The following KLHL32 variants were observed in gnomAD, a reference collection of about 807,000 sequenced individuals.
KLHL32 encodes the protein kelch like family member 32.
Under a neutral mutation model 64.8 loss-of-function variants are expected in KLHL32, and 35 were observed. That is an observed-to-expected ratio of 0.54 (90% confidence interval 0.41 to 0.72). The LOEUF (loss-of-function observed/expected upper bound fraction) is 0.72. Among genes scored for constraint, KLHL32 ranks in the 30% least tolerant of loss-of-function variants. KLHL32 has a pLI of 0.00. For missense variants in KLHL32, 589 were observed against 768.5 expected (o/e 0.77, Z 2.76); for synonymous variants, 259 against 281.0 (o/e 0.92, Z 0.78).
chr6:97,074,162 C>G (rs1164660526), intron 5 of KLHL32, among the ~76,000 whole-genome samples: 1 of 152,162 alleles, frequency 6.6e-6, no homozygotes, highest in Non-Finnish European at 1.5e-5. Context: ...AGTAATGATT[C>G]CTAAACTTGA....
rs375586519 is a variant in KLHL32, at chr6:97,011,654, A to T, written c.205-29838A>T. ...AGATACATATTCAGAGTGATCATTT[A>T]TCTTGAATTAAAATTAAGCATCCGA... On this transcript the variant is annotated intron_variant, in intron 3 of 10. Coordinates refer to ENST00000369261, the MANE Select transcript of KLHL32 (RefSeq NM_052904.4). Among the ~76,000 whole-genome samples, 9 of 152,348 alleles carry T rather than the reference A, an allele frequency of 5.9e-5. 1 individual carries two copies. The highest frequency in any genetic ancestry group is 2.2e-4 in the African/African-American group (9 of 41,592).
chr6:96,911,393 T>C, the KLHL32 span, among the ~76,000 whole-genome samples: 2 of 150,308 alleles, frequency 1.3e-5, no homozygotes, highest in African/African-American at 2.5e-5. Flanking sequence ...CATTTTCAAC[T>C]TCCCCCCATG....
intron 7 of KLHL32, among the ~76,000 whole-genome samples, chr6:97,115,659 T>C (rs576469098): frequency 2.0e-4 from 30 of 152,346 alleles, no homozygotes; most frequent in Admixed American, 1.8e-3. Flanking sequence ...ACATGTGTTT[T>C]CAATCTTAGT....
At position 97,085,225 on chromosome 6, in the gene KLHL32, C is replaced by T; in HGVS notation, c.511C>T (p.Leu171Phe). Residue 171 changes from leucine (L) to phenylalanine (F), a missense_variant, in exon 6 of 11, where the codon CTC (leucine) becomes TTC (phenylalanine). Physicochemically the swap from Leu to Phe is conservative, Grantham distance 22 (BLOSUM62 0). Coordinates refer to ENST00000369261, the MANE Select transcript of KLHL32 (RefSeq NM_052904.4). ...AGTGATCGATTTCTTAGTGAAACAT[C>T]TCTCTGAACTCCTGAAGAGCCGCCC... ...KAVIDFLVKHLSELLKSRPEE... is the reference protein window; with the variant it reads ...KAVIDFLVKHFSELLKSRPEE... The T allele has an allele frequency of 6.2e-7, 1 of 1,614,060 alleles. No homozygotes were observed. The highest frequency in any genetic ancestry group is 8.5e-7 in the Non-Finnish European group (1 of 1,180,020).
chr6:96,898,115 G>A, the KLHL32 span, among the ~76,000 whole-genome samples: 1 of 152,250 alleles, frequency 6.6e-6, no homozygotes, highest in South Asian at 2.1e-4. Flanking sequence ...CACCCGGGAA[G>A]CTCTGTAAAG....
chr6:96,951,905 C>G (rs111625754), intron 1 of KLHL32, among the ~76,000 whole-genome samples: 2 of 152,116 alleles, frequency 1.3e-5, no homozygotes, highest in African/African-American at 4.8e-5. Flanking sequence ...TGTTCAATGC[C>G]ATTTCATTAC....
At chr6:97,010,432 A>G (rs1780255078) in intron 3 of KLHL32, among the ~76,000 whole-genome samples, 1 of 152,190 alleles carries the variant, frequency 6.6e-6, no homozygotes, top group African/African-American at 2.4e-5. Context: ...AGTGTAGCAA[A>G]TATTTTTTAA....
At chr6:97,074,702 CTT>C (rs1181149274) in intron 5 of KLHL32, among the ~76,000 whole-genome samples, 2 of 151,528 alleles carry the variant, frequency 1.3e-5, no homozygotes, top group Admixed American at 1.3e-4. Context: ...AGCAATCTGA[CTT>C]TGTGTACTAG....
At chr6:97,098,848 T>C (rs1186337694) in intron 6 of KLHL32, among the ~76,000 whole-genome samples, 1 of 152,188 alleles carries the variant, frequency 6.6e-6, no homozygotes, top group Non-Finnish European at 1.5e-5. Flanking sequence ...TATGTCTTGT[T>C]TTTGGTTAAG....
chr6:97,015,404 T>G (rs758123377), intron 3 of KLHL32, among the ~76,000 whole-genome samples: 19 of 152,160 alleles, frequency 1.2e-4, no homozygotes, highest in Admixed American at 3.3e-4. Context: ...TTTACCAAAA[T>G]GCTGATATGA....
chr6:96,959,183 C>T (rs1773614031), intron 1 of KLHL32, among the ~76,000 whole-genome samples: 1 of 152,064 alleles, frequency 6.6e-6, no homozygotes, highest in Non-Finnish European at 1.5e-5. Flanking sequence ...TGTCTCAGGC[C>T]CCAGGAGGCC....
At chr6:96,963,003 T>C (rs1217965437) in intron 1 of KLHL32, among the ~76,000 whole-genome samples, 1 of 152,232 alleles carries the variant, frequency 6.6e-6, no homozygotes, top group Non-Finnish European at 1.5e-5. Flanking sequence ...ACTTTTACAC[T>C]GTTAAATGAA....
intron 1 of KLHL32, among the ~76,000 whole-genome samples, chr6:96,961,913 A>G (rs1773924637): frequency 6.6e-6 from 1 of 152,200 alleles, no homozygotes; most frequent in South Asian, 2.1e-4. Flanking sequence ...ACTGGCTTGA[A>G]CTAGACAAAA....
At chr6:96,975,197 G>A (rs1775558574) in intron 2 of KLHL32, among the ~76,000 whole-genome samples, 1 of 152,164 alleles carries the variant, frequency 6.6e-6, no homozygotes, top group Admixed American at 6.5e-5. Flanking sequence ...TTTAGGTTGG[G>A]GTAGAGAGTG....
At chr6:96,978,975 C>T (rs1433887869) in intron 3 of KLHL32, among the ~76,000 whole-genome samples, 2 of 151,864 alleles carry the variant, frequency 1.3e-5, no homozygotes, top group African/African-American at 4.8e-5. Context: ...TGTCTTTTGC[C>T]CCCTTTTTTT....
intron 1 of KLHL32, among the ~76,000 whole-genome samples, chr6:96,932,404 G>A (rs894143919): frequency 2.0e-5 from 3 of 151,914 alleles, no homozygotes; most frequent in Non-Finnish European, 1.5e-5. Flanking sequence ...TAGAGCAAAA[G>A]TCATTTAAGA....
In KLHL32 at chr6:97,130,738, C is replaced by T. The variant is rs779847762; in HGVS notation, c.1414-19C>T. On this transcript the variant is annotated intron_variant, in intron 8 of 10. Transcript: ENST00000369261. ...GGAGGTCTCCTACTAACAGAATACA[C>T]TTAAATTTCTTTTTTCAGAATAAGT... 2.0e-5 allele frequency: 32 copies of T among 1,594,798 alleles called. No individual in the cohort carries two copies. The highest frequency in any genetic ancestry group is 5.1e-6 in the Non-Finnish European group (6 of 1,170,280).
At chr6:97,011,162 T>C (rs1210994188) in intron 3 of KLHL32, among the ~76,000 whole-genome samples, 2 of 152,230 alleles carry the variant, frequency 1.3e-5, no homozygotes, top group Non-Finnish European at 2.9e-5. Context: ...TTATCTCTTG[T>C]CTAGCCAAGT....
the KLHL32 span, among the ~76,000 whole-genome samples, chr6:96,911,824 C>CTTTTTTTTTTTTTTTTTTTTTTTTTTTTT: frequency 5.5e-5 from 3 of 54,078 alleles, 1 homozygote; most frequent in Non-Finnish European, 1.0e-4. Flanking sequence ...CTCGGTCCTT[C>CTTTTTTTTTTTTTTTTTTTTTTTTTTTTT]TTTTTTTTTT....
Sources: gnomAD v4.1 joint callset for allele counts (sites outside exome capture counted in the v4.1 genomes callset) on GRCh38, gnomAD v4.1.1 for gene constraint, MANE v1.5 for transcripts, NCBI Gene and HGNC (gene_info 2026-07-23, HGNC 2026-07-21) for gene names.